Variants in PTPRG observed in about 807,000 individuals in gnomAD.
PTPRG encodes the protein receptor-type tyrosine-protein phosphatase gamma.
PTPRG carries 102 observed loss-of-function variants against 165.3 expected under a neutral mutation model. That is an observed-to-expected ratio of 0.62 (90% CI 0.53 to 0.73). The LOEUF is 0.73. Ranked by LOEUF, PTPRG falls within the 30% of genes least tolerant of loss-of-function variation. PTPRG has a pLI of 0.00. For synonymous variants in PTPRG, 675 were observed against 669.5 expected (o/e 1.01, Z -0.13); for missense variants, 1,866 against 1,861.4 (o/e 1.00, Z -0.05).
At chr3:61,578,342 C>T (rs1700213573) in intron 1 of PTPRG, among the ~76,000 whole-genome samples, 1 of 152,178 alleles carries the variant, frequency 6.6e-6, no homozygotes, top group South Asian at 2.1e-4. Flanking sequence ...GCCCCTGGTG[C>T]CTGATGAAAG....
intron 1 of PTPRG, among the ~76,000 whole-genome samples, chr3:61,689,875 A>G (rs1190491151): frequency 6.6e-6 from 1 of 152,134 alleles, no homozygotes; most frequent in African/African-American, 2.4e-5. Flanking sequence ...GATTCCATTT[A>G]TTTCCTACTA....
Position 62,273,806 on chromosome 3 carries a change from G to A in PTPRG, c.3427G>A (p.Gly1143Arg). ...CTATGTTAACAGCATCCTTATACCA[G>A]GAGTAGGAGGAAAGACACGACTGGA... ...HSYVNSILIP[G>R]VGGKTRLEKQ... The change falls in exon 23 of 30, where the codon GGA becomes AGA. Residue 1143 changes from glycine to arginine, a missense_variant. This residue lies in a region of PTPRG where 1,452 missense variants were observed against 1,463.0 expected (regional missense o/e 0.99). Coordinates refer to ENST00000474889, the MANE Select transcript of PTPRG (RefSeq NM_002841.4). The surrounding 1 kb of genome is among the most constrained non-coding windows in gnomAD (Gnocchi z 4.1). The A allele has an allele frequency of 6.2e-7, 1 of 1,613,818 alleles. No individual in the cohort carries two copies. The highest frequency in any genetic ancestry group is 1.3e-5 in the African/African-American group (1 of 75,036).
chr3:61,591,026 C>G (rs1471903990), intron 1 of PTPRG, among the ~76,000 whole-genome samples: 6 of 152,152 alleles, frequency 3.9e-5, no homozygotes, highest in Non-Finnish European at 5.9e-5. Flanking sequence ...GAGAGAATTG[C>G]TTGAGCCTGT....
chr3:61,785,760 A>G (rs180787186), intron 2 of PTPRG, among the ~76,000 whole-genome samples: 1 of 152,370 alleles, frequency 6.6e-6, no homozygotes, highest in East Asian at 1.9e-4. Context: ...ATTGACAACA[A>G]TAGAGAACTC....
rs34682047 is a variant in PTPRG, at chr3:61,781,890, G to GTTTT, written c.190+32923_190+32926dup. On this transcript the variant is annotated intron_variant, in intron 2 of 29. Coordinates refer to ENST00000474889, the MANE Select transcript of PTPRG (RefSeq NM_002841.4). Reference sequence around the variant, plus strand: ...CCCCAGGCATGCACCACCATGCCCAGTTTTTTTTTTTTTTTTTTATGGTAG... The same window carrying GTTTT: ...CCCCAGGCATGCACCACCATGCCCAGTTTTTTTTTTTTTTTTTTTTTTATGGTAG... Among the ~76,000 whole-genome samples the GTTTT allele has an allele frequency of 3.6e-4, 48 of 133,720 alleles. 4 individuals carry two copies. Among genetic ancestry groups the GTTTT allele is most frequent in the African/African-American group, 4.5e-4 (16 of 35,758 alleles). 87.7% of individuals were successfully genotyped at this position (133,720 alleles called of 152,430 possible). A position where few individuals can be genotyped will look rare whatever the true frequency, so the allele number is the denominator to read the frequency against.
rs147272476 is a variant in PTPRG, at chr3:62,252,446, A to G, written c.2468-2678A>G. Among the ~76,000 whole-genome samples the G allele has an allele frequency of 1.7e-4, 26 of 152,344 alleles. No individual in the cohort carries two copies. Among genetic ancestry groups the G allele is most frequent in the African/African-American group, 6.0e-4 (25 of 41,592 alleles). ...GTATGCATTTCTTGGAGTACATGTT[A>G]ATACATATAAAGTACACAGAAAGTG... On this transcript the variant is annotated intron_variant, in intron 15 of 29. Coordinates refer to ENST00000474889, the MANE Select transcript of PTPRG (RefSeq NM_002841.4). This position sits in a 1 kb window ranked among gnomAD's most constrained non-coding sequence, Gnocchi z 4.6.
At chr3:62,056,267 G>A (rs993860431) in intron 4 of PTPRG, among the ~76,000 whole-genome samples, 1 of 152,186 alleles carries the variant, frequency 6.6e-6, no homozygotes, top group African/African-American at 2.4e-5. Context: ...TATGTGTTAT[G>A]TGCTTCGTTC....
At chr3:61,884,582 C>A (rs186561022) in intron 2 of PTPRG, among the ~76,000 whole-genome samples, 13 of 152,124 alleles carry the variant, frequency 8.5e-5, no homozygotes, top group Non-Finnish European at 1.9e-4. Flanking sequence ...TGCTTGTTTT[C>A]GTAGGATGTT....
At chr3:61,862,370 A>G (rs2037293216) in intron 2 of PTPRG, among the ~76,000 whole-genome samples, 1 of 146,826 alleles carries the variant, frequency 6.8e-6, no homozygotes, top group South Asian at 2.2e-4. Context: ...TAATGTAGGT[A>G]TTACTCAGAC....
chr3:61,666,216 G>A (rs979881988), intron 1 of PTPRG, among the ~76,000 whole-genome samples: 16 of 152,224 alleles, frequency 1.1e-4, no homozygotes, highest in African/African-American at 2.4e-4. Context: ...CAAGGGCGCC[G>A]CAGCAGAGCT....
At chr3:62,004,861 A>T (rs2041258071) in intron 4 of PTPRG, among the ~76,000 whole-genome samples, 1 of 152,162 alleles carries the variant, frequency 6.6e-6, no homozygotes, top group South Asian at 2.1e-4. Flanking sequence ...TGATAATCTG[A>T]TGAATTCTTG....
intron 1 of PTPRG, among the ~76,000 whole-genome samples, chr3:61,637,390 C>T (rs1286536013): frequency 6.6e-6 from 1 of 152,140 alleles, no homozygotes; most frequent in Admixed American, 6.6e-5. Flanking sequence ...AGGACTTAAC[C>T]TCATAAGGTT....
intron 1 of PTPRG, among the ~76,000 whole-genome samples, chr3:61,571,955 T>G (rs1289151387): frequency 6.6e-6 from 1 of 152,214 alleles, no homozygotes; most frequent in Non-Finnish European, 1.5e-5. Context: ...GCCTCACCCT[T>G]CACTAAATGG....
intron 2 of PTPRG, among the ~76,000 whole-genome samples, chr3:61,760,415 A>G (rs759847341): frequency 6.6e-6 from 1 of 152,042 alleles, no homozygotes; most frequent in Non-Finnish European, 1.5e-5. Context: ...GGGACCTTTT[A>G]AAAATCCTAC....
chr3:62,200,814 G>A (rs910040328), intron 10 of PTPRG, among the ~76,000 whole-genome samples: 3 of 152,152 alleles, frequency 2.0e-5, no homozygotes, highest in Non-Finnish European at 4.4e-5. Flanking sequence ...AAAAGGTAAG[G>A]TGGGCAAATA....
In PTPRG at chr3:62,269,147, T is replaced by A; in HGVS notation, c.2987T>A (p.Ile996Asn). The change falls in exon 20 of 30, where the codon ATC becomes AAC. Residue 996 changes from isoleucine to asparagine, a missense_variant. By Grantham distance (149) the Ile-to-Asn change is moderately radical. This residue lies in a region of PTPRG where 1,452 missense variants were observed against 1,463.0 expected (regional missense o/e 0.99). Coordinates refer to ENST00000474889, the MANE Select transcript of PTPRG (RefSeq NM_002841.4). ...HACYTVRRFS[I>N]RNTKVKKGQK... ...TGCTACACTGTTCGTCGTTTTTCAA[T>A]CAGAAATACAAAAGTGAAAAAGGTA... The A allele has an allele frequency of 6.3e-7, 1 of 1,586,988 alleles. No individual in the cohort carries two copies. Among genetic ancestry groups the A allele is most frequent in the Non-Finnish European group, 8.6e-7 (1 of 1,160,834 alleles).
rs185129682 is a variant in PTPRG, at chr3:61,928,479, A to G, written c.191-61146A>G. On this transcript the variant is annotated intron_variant, in intron 2 of 29. Transcript: ENST00000474889. ...AAATTGCTTGAATTTACTGAAAGAAAAAGTCATAGCAATTGTCAGACTGCA... is the reference window on the plus strand; with the variant it reads ...AAATTGCTTGAATTTACTGAAAGAAGAAGTCATAGCAATTGTCAGACTGCA... Among the ~76,000 whole-genome samples the G allele has an allele frequency of 1.2e-4, 18 of 152,324 alleles. No homozygotes were observed. The East Asian group carries it at 1.5e-3, about 13-fold the overall frequency.
intron 2 of PTPRG, among the ~76,000 whole-genome samples, chr3:61,837,724 G>A (rs1218594700): frequency 6.6e-6 from 1 of 152,202 alleles, no homozygotes; most frequent in Non-Finnish European, 1.5e-5. Context: ...TTGAAAATAA[G>A]TGAAGACATT....
rs1166099349 is a variant in PTPRG at position 62,210,292 on chromosome 3, C to G, written c.2155+6342C>G. Among the ~76,000 whole-genome samples, 1 of 152,206 alleles carries G rather than the reference C, an allele frequency of 6.6e-6. No individual in the cohort carries two copies. Among genetic ancestry groups the G allele is most frequent in the African/African-American group, 2.4e-5 (1 of 41,456 alleles). ...TTGTAACTGATGAACAATCATTTCT[C>G]TGCAGCAGTGGTTTGGGTAACGTCA... On this transcript the variant is annotated intron_variant, in intron 12 of 29. Coordinates refer to ENST00000474889, the MANE Select transcript of PTPRG (RefSeq NM_002841.4). This position sits in a 1 kb window ranked among gnomAD's most constrained non-coding sequence, Gnocchi z 4.1.
Sources: gnomAD v4.1 joint callset for allele counts (sites outside exome capture counted in the v4.1 genomes callset) on GRCh38, gnomAD v4.1.1 for gene constraint, gnomAD v4.1.1 regional missense constraint, Gnocchi (gnomAD v3.1) non-coding constraint, MANE v1.5 for transcripts, NCBI Gene and HGNC (gene_info 2026-07-23, HGNC 2026-07-21) for gene names.